Variants in MYO5B observed in about 807,000 individuals in gnomAD.
MYO5B encodes the protein myosin VB, also known as unconventional myosin-Vb.
Under a neutral mutation model 229.3 loss-of-function variants are expected in MYO5B, and 143 were observed. The ratio of observed to expected loss-of-function variants is 0.62; its 90% CI spans 0.54 to 0.72. The LOEUF (loss-of-function observed/expected upper bound fraction) is 0.72, where lower values mean the gene tolerates loss of function less well. Among genes scored for constraint, MYO5B ranks in the 30% least tolerant of loss-of-function variants. The probability of loss-of-function intolerance (pLI) is 0.00; values close to 1 mark genes in which losing one functional copy is unlikely to be tolerated. For missense variants in MYO5B, 2,321 were observed against 2,331.0 expected (o/e 1.00, Z 0.09); for synonymous variants, 918 against 885.2 (o/e 1.04, Z -0.66).
At chr18:49,920,021 C>T (rs2025057498) in intron 17 of MYO5B, among the ~76,000 whole-genome samples, 1 of 152,166 alleles carries the variant, frequency 6.6e-6, no homozygotes, top group African/African-American at 2.4e-5. Flanking sequence ...CGCATGGATA[C>T]ATCTTGAAAA....
At chr18:49,841,807 T>C (rs924867920) in intron 34 of MYO5B, among the ~76,000 whole-genome samples, 1 of 152,224 alleles carries the variant, frequency 6.6e-6, no homozygotes, top group African/African-American at 2.4e-5. Flanking sequence ...TCTAACCGCC[T>C]GGGCTAGCTG....
At chr18:49,927,215 T>G (rs1258353028) in intron 17 of MYO5B, among the ~76,000 whole-genome samples, 1 of 151,916 alleles carries the variant, frequency 6.6e-6, no homozygotes, top group Non-Finnish European at 1.5e-5. Flanking sequence ...CTGAAAGAAA[T>G]CATAGATGAC....
rs117412781 is a variant in MYO5B, at chr18:49,884,289, T to C, written c.3046-3834A>G. ...GAGATCAGTTTGATGGAAGACAATTTTTCCACGGACCAGGGTGACGGGGGA... is the reference window on the plus strand; with the variant it reads ...GAGATCAGTTTGATGGAAGACAATTCTTCCACGGACCAGGGTGACGGGGGA... On this transcript the variant is annotated intron_variant, in intron 22 of 39. Transcript: ENST00000285039. 2.0e-3 allele frequency among the ~76,000 whole-genome samples: 311 copies of C among 152,314 alleles called. 6 individuals are homozygous for C. In the East Asian group the frequency reaches 0.05, roughly 25 times the overall value.
intron 21 of MYO5B, among the ~76,000 whole-genome samples, chr18:49,900,854 T>C (rs1016894477): frequency 6.6e-6 from 1 of 152,076 alleles, no homozygotes; most frequent in Non-Finnish European, 1.5e-5. Flanking sequence ...AACGCAGCAG[T>C]AGGCATGCAC....
rs369421303 is a variant in MYO5B, at chr18:50,019,749, T to C, written c.455+17101A>G. 5.9e-5 allele frequency among the ~76,000 whole-genome samples: 9 copies of C among 152,300 alleles called. No homozygotes were observed. The South Asian group carries it at 1.9e-3, about 32-fold the overall frequency. ...TCGTACCTGGTGGCCTCAACACAAA[T>C]TCAAGGCAGGGCCCAGGAGGAAGTC... On this transcript the variant is annotated intron_variant, in intron 4 of 39. Transcript: ENST00000285039.
intron 2 of MYO5B, among the ~76,000 whole-genome samples, chr18:50,041,618 G>GTATTCT (rs1568082331): frequency 6.6e-6 from 1 of 151,940 alleles, no homozygotes; most frequent in South Asian, 2.1e-4. Context: ...AATTAGACCA[G>GTATTCT]TATTCTTATT....
At position 49,922,575 on chromosome 18, in the gene MYO5B, A is replaced by G. The variant is rs139233995; in HGVS notation, c.2090+6937T>C. On this transcript the variant is annotated intron_variant, in intron 17 of 39. Coordinates refer to ENST00000285039, the MANE Select transcript of MYO5B (RefSeq NM_001080467.3). ...ACACAGTGCCTCTTTCCAAAAGTTA[A>G]CATTTCAAATAGCAGTTTGGGGAGG... 5.3e-5 allele frequency among the ~76,000 whole-genome samples: 8 copies of G among 152,238 alleles called. No individual in the cohort carries two copies. The East Asian group carries it at 1.5e-3, about 29-fold the overall frequency.
At chr18:49,864,072 TAAAA>T (rs2024364479) in intron 28 of MYO5B, 65 bp downstream of exon 28, 2 of 1,586,882 alleles carry the variant, frequency 1.3e-6, no homozygotes, top group Non-Finnish European at 1.7e-6. Flanking sequence ...TAAAGATAAT[TAAAA>T]AAACACTAAT....
At chr18:50,002,367 T>A (rs116719539) in intron 4 of MYO5B, among the ~76,000 whole-genome samples, 5 of 152,022 alleles carry the variant, frequency 3.3e-5, no homozygotes, top group South Asian at 4.1e-4. Context: ...CTACATCAGA[T>A]AGAAACACCT....
At chr18:50,147,442 T>G (rs2032522608) in intron 1 of MYO5B, among the ~76,000 whole-genome samples, 1 of 152,140 alleles carries the variant, frequency 6.6e-6, no homozygotes, top group South Asian at 2.1e-4. Flanking sequence ...CTGCCTCCAG[T>G]CCAGCCGCCA....
intron 17 of MYO5B, among the ~76,000 whole-genome samples, chr18:49,919,307 C>T (rs1200514110): frequency 6.6e-6 from 1 of 150,952 alleles, no homozygotes; most frequent in Non-Finnish European, 1.5e-5. Context: ...AATGCACAAC[C>T]AAAGAAATAA....
intron 21 of MYO5B, among the ~76,000 whole-genome samples, chr18:49,898,503 C>A (rs187748947): frequency 1.3e-5 from 2 of 152,178 alleles, no homozygotes; most frequent in Non-Finnish European, 2.9e-5. Flanking sequence ...CGGACTACAT[C>A]GTTTTACTGA....
In MYO5B at chr18:50,051,158, A is replaced by AT. The variant is rs552010068; in HGVS notation, c.138+4109dup. Among the ~76,000 whole-genome samples, 57 of 152,358 alleles carry AT rather than the reference A, an allele frequency of 3.7e-4. 1 individual carries two copies. In the East Asian group the frequency reaches 8.1e-3, roughly 22 times the overall value. The stretch of plus-strand genomic sequence containing the variant: ...TTTTTAAAATAGTAAATGTTTAACA[A>AT]TGTTTTTAATTAAAAATATGAGATT... On this transcript the variant is annotated intron_variant, in intron 2 of 39. Coordinates refer to ENST00000285039, the MANE Select transcript of MYO5B (RefSeq NM_001080467.3).
At chr18:50,087,572 CAA>C (rs3075643) in intron 1 of MYO5B, among the ~76,000 whole-genome samples, 4,309 of 85,480 alleles carry the variant, frequency 0.05, 204 homozygotes, top group African/African-American at 0.16. Context: ...GACTCCATCT[CAA>C]AAAAAAAAAA....
intron 21 of MYO5B, among the ~76,000 whole-genome samples, chr18:49,899,185 C>T (rs1316646866): frequency 1.3e-5 from 2 of 152,150 alleles, no homozygotes; most frequent in Admixed American, 1.3e-4. Flanking sequence ...TTCGCAGATC[C>T]TCCCCTTCTG....
chr18:49,942,396 A>AAAAAAAAC (rs2025325741), intron 14 of MYO5B, among the ~76,000 whole-genome samples: 2 of 134,008 alleles, frequency 1.5e-5, no homozygotes, highest in African/African-American at 5.8e-5. Flanking sequence ...AAAAAAAAAA[A>AAAAAAAAC]AAAAAAAAAC....
intron 14 of MYO5B, among the ~76,000 whole-genome samples, chr18:49,947,928 A>G (rs1477599829): frequency 6.6e-6 from 1 of 152,204 alleles, no homozygotes; most frequent in Non-Finnish European, 1.5e-5. Context: ...CTGTATACAT[A>G]TGTATACATG....
At chr18:49,927,717 C>T (rs1438713646) in intron 17 of MYO5B, among the ~76,000 whole-genome samples, 1 of 152,196 alleles carries the variant, frequency 6.6e-6, no homozygotes, top group Non-Finnish European at 1.5e-5. Context: ...ACTGGATCCT[C>T]ATCTCTTACT....
rs1457490762 is a variant in MYO5B, at chr18:49,954,389, C to T, written c.1592G>A (p.Arg531Gln). The change falls in exon 13 of 40, where the codon CGG becomes CAG. Residue 531 changes from arginine to glutamine, a missense_variant. Transcript: ENST00000285039. Reference sequence around the variant, plus strand: ...CTGGAAGTGCTGGCTGCTGGAGTGCCGGTCATAGAGCTTCTGAGCCCAGTT... The same window carrying T: ...CTGGAAGTGCTGGCTGCTGGAGTGCTGGTCATAGAGCTTCTGAGCCCAGTT... The part of the protein sequence containing the change: ...DQNWAQKLYD[R>Q]HSSSQHFQKP... The T allele has an allele frequency of 3.7e-6, 6 of 1,613,936 alleles. No homozygotes were observed. Among genetic ancestry groups the T allele is most frequent in the Admixed American group, 1.7e-5 (1 of 60,008 alleles).
Sources: gnomAD v4.1 joint callset for allele counts (sites outside exome capture counted in the v4.1 genomes callset) on GRCh38, gnomAD v4.1.1 for gene constraint, MANE v1.5 for transcripts, NCBI Gene and HGNC (gene_info 2026-07-23, HGNC 2026-07-21) for gene names.